The following PIP5K1A variants were observed in gnomAD, a reference collection of about 807,000 sequenced individuals.
PIP5K1A encodes the protein phosphatidylinositol-4-phosphate 5-kinase type 1 alpha.
A neutral mutation model predicts 72.9 loss-of-function variants in PIP5K1A; 46 were observed. The ratio of observed to expected loss-of-function variants is 0.63; its 90% CI spans 0.50 to 0.81. The LOEUF (loss-of-function observed/expected upper bound fraction) is 0.81, where lower values mean the gene tolerates loss of function less well. PIP5K1A is among the 30% of genes least tolerant of loss of function. The pLI, the probability that PIP5K1A is intolerant of heterozygous loss-of-function variation, is 0.00. For synonymous variants in PIP5K1A, 228 were observed against 255.1 expected (o/e 0.89, Z 1.01); for missense variants, 458 against 706.1 (o/e 0.65, Z 3.98).
In PIP5K1A at chr1:151,224,235, T is replaced by C. The variant is rs770176919; in HGVS notation, c.86-10T>C. The C allele has an allele frequency of 1.4e-5, 23 of 1,609,554 alleles. No homozygotes were observed. In the East Asian group the frequency reaches 2.5e-4, roughly 17 times the overall value. ...ATACACTCTTATGATTGTTTTTTTT[T>C]CCCCCCTAGCAGCATCTGGAATCAA... On this transcript the variant is annotated splice_polypyrimidine_tract_variant and intron_variant, in intron 1 of 15. Coordinates refer to ENST00000368888, the MANE Select transcript of PIP5K1A (RefSeq NM_001135638.2).
intron 4 of PIP5K1A, among the ~76,000 whole-genome samples, chr1:151,227,758 C>G (rs1570914536): frequency 6.6e-6 from 1 of 152,050 alleles, no homozygotes; most frequent in Non-Finnish European, 1.5e-5. Flanking sequence ...GGGTGGCACA[C>G]GCTTGTGGTC....
At chr1:151,216,725 T>C (rs1687682635) in intron 1 of PIP5K1A, among the ~76,000 whole-genome samples, 1 of 152,162 alleles carries the variant, frequency 6.6e-6, no homozygotes, top group Non-Finnish European at 1.5e-5. Flanking sequence ...TTTATAGGCA[T>C]TTATTGTAGA....
At chr1:151,227,813 G>C (rs1335573065) in intron 4 of PIP5K1A, among the ~76,000 whole-genome samples, 1 of 152,156 alleles carries the variant, frequency 6.6e-6, no homozygotes, top group Non-Finnish European at 1.5e-5. Context: ...TTGAACCTGA[G>C]AGGTGGAGGT....
At chr1:151,201,804 G>C (rs1486460360) in intron 1 of PIP5K1A, among the ~76,000 whole-genome samples, 1 of 152,036 alleles carries the variant, frequency 6.6e-6, no homozygotes, top group Non-Finnish European at 1.5e-5. Context: ...AGAGGTTGCA[G>C]TGAGCCGAGA....
At chr1:151,233,099 CAAA>C (rs11431839) in intron 7 of PIP5K1A, among the ~76,000 whole-genome samples, 4 of 107,510 alleles carry the variant, frequency 3.7e-5, no homozygotes, top group Admixed American at 1.0e-4. Flanking sequence ...GACTCCGTCT[CAAA>C]AAAAAAAAAA....
Position 151,239,099 on chromosome 1 carries a change from C to T in PIP5K1A, c.1230-31C>T, listed in dbSNP as rs587626011. ...ATTAAGGTCATTTATTTAAAAATGA[C>T]GTGAGTAGGTGATGTACATTTTTCT... On this transcript the variant is annotated intron_variant, in intron 10 of 15. Coordinates refer to ENST00000368888, the MANE Select transcript of PIP5K1A (RefSeq NM_001135638.2). 2.4e-5 allele frequency: 37 copies of T among 1,540,000 alleles called. No individual in the cohort carries two copies. The African/African-American group carries it at 2.6e-4, about 11-fold the overall frequency.
intron 3 of PIP5K1A, among the ~76,000 whole-genome samples, chr1:151,225,449 A>C (rs1409626099): frequency 6.7e-6 from 1 of 148,254 alleles, no homozygotes; most frequent in Non-Finnish European, 1.5e-5. Flanking sequence ...CTAGACTGCT[A>C]TACTGGTTTA....
rs1352387736 is a variant in PIP5K1A, at chr1:151,234,393, C to T, written c.836C>T (p.Pro279Leu). The change falls in exon 8 of 16, where the codon CCC (proline) becomes CTC (leucine). Residue 279 changes from proline (P) to leucine (L), a missense_variant. By Grantham distance (98) the Pro-to-Leu change is moderately conservative. Coordinates refer to ENST00000368888, the MANE Select transcript of PIP5K1A (RefSeq NM_001135638.2). ...ASQKEREKPL[P>L]TFKDLDFLQD... ...CAGAAAGAGCGAGAGAAGCCTCTTC[C>T]CACATTTAAAGACCTAGACTTCTTA... is the stretch of plus-strand genomic sequence containing the variant. 6.2e-7 allele frequency: 1 copy of T among 1,613,824 alleles called. No homozygotes were observed. The highest frequency in any genetic ancestry group is 2.2e-5 in the East Asian group (1 of 44,896).
chr1:151,241,882 G>C (rs587628539), intron 12 of PIP5K1A, among the ~76,000 whole-genome samples: 12 of 152,180 alleles, frequency 7.9e-5, no homozygotes, highest in African/African-American at 2.4e-4. Flanking sequence ...CTCCATGTTG[G>C]GGGGTTAGGT....
intron 1 of PIP5K1A, among the ~76,000 whole-genome samples, chr1:151,219,636 G>A (rs1171420551): frequency 6.6e-6 from 1 of 151,988 alleles, no homozygotes; most frequent in Admixed American, 6.6e-5. Flanking sequence ...GGAGGTTGCG[G>A]TGATCCGAGA....
In PIP5K1A at chr1:151,248,140, C is replaced by T; in HGVS notation, c.*275C>T. ...TGGTATGGATTTTCAACTGGCCAACCCTTTGCCTCCACTATTGAATTTTTT... is the reference window on the plus strand; with the variant it reads ...TGGTATGGATTTTCAACTGGCCAACTCTTTGCCTCCACTATTGAATTTTTT... On this transcript the variant is annotated 3_prime_UTR_variant, in exon 16 of 16. Transcript: ENST00000368888. 1 of 480,342 alleles carries T rather than the reference C, an allele frequency of 2.1e-6. No individual in the cohort carries two copies. The highest frequency in any genetic ancestry group is 2.9e-5 in the South Asian group (1 of 34,814). The allele number at this position is 480,342 out of a possible 1,614,324, so 29.8% of individuals were successfully genotyped here.
At chr1:151,227,453 C>G (rs1558273079) in intron 4 of PIP5K1A, 53 bp downstream of exon 4, 1 of 1,186,284 alleles carries the variant, frequency 8.4e-7, no homozygotes, top group South Asian at 1.2e-5. Context: ...GCAGCTTACT[C>G]TGGGAACTCA....
upstream of PIP5K1A, chr1:151,198,177 A>C (rs1383639777): frequency 1.7e-5 from 8 of 460,174 alleles, no homozygotes; most frequent in Non-Finnish European, 4.5e-6. Flanking sequence ...CAGGAAAAAG[A>C]CTAAGAAGAG....
At chr1:151,213,171 G>A (rs899806594) in intron 1 of PIP5K1A, among the ~76,000 whole-genome samples, 1 of 152,212 alleles carries the variant, frequency 6.6e-6, no homozygotes, top group Non-Finnish European at 1.5e-5. Context: ...TTACAGGTGT[G>A]AGCAACCGCG....
intron 4 of PIP5K1A, 136 bp from the exon 5 acceptor site, chr1:151,231,535 C>T (rs1166377683): frequency 5.6e-6 from 4 of 720,084 alleles, no homozygotes; most frequent in Non-Finnish European, 9.6e-6. Context: ...TGGATTGTCC[C>T]AGTTTTATCT....
Position 151,236,642 on chromosome 1 carries a change from A to C in PIP5K1A, c.1024A>C (p.Ser342Arg). The change falls in exon 9 of 16, where the codon AGT becomes CGT. Residue 342 changes from serine (S) to arginine (R), a missense_variant. This residue lies in a region of PIP5K1A where 220 missense variants were observed against 442.6 expected (regional missense o/e 0.50). Transcript: ENST00000368888. ...IDHAQREPLS[S>R]ETQYSVDTRR... ...TCATGCACAACGAGAGCCCTTAAGCAGTGAAACACAGTACTCAGTTGATAC... is the reference window on the plus strand; with the variant it reads ...TCATGCACAACGAGAGCCCTTAAGCCGTGAAACACAGTACTCAGTTGATAC... 1 of 1,613,400 alleles carries C rather than the reference A, an allele frequency of 6.2e-7. No homozygotes were observed.
At chr1:151,215,409 C>G (rs1353400006) in intron 1 of PIP5K1A, among the ~76,000 whole-genome samples, 1 of 146,902 alleles carries the variant, frequency 6.8e-6, no homozygotes, top group East Asian at 2.1e-4. Context: ...TGGCTCACTT[C>G]CAGCTCTGCC....
At position 151,247,995 on chromosome 1, in the gene PIP5K1A, G is replaced by T; in HGVS notation, c.*130G>T. ...AAAAAGGAGTGTAATAGAAGTGAGG[G>T]GAGCTGCTCCTCCATCTTCTTCCTG... On this transcript the variant is annotated 3_prime_UTR_variant, in exon 16 of 16. Coordinates refer to ENST00000368888, the MANE Select transcript of PIP5K1A (RefSeq NM_001135638.2). 1 of 790,522 alleles carries T rather than the reference G, an allele frequency of 1.3e-6. No individual in the cohort carries two copies. Among genetic ancestry groups the T allele is most frequent in the Non-Finnish European group, 2.2e-6 (1 of 456,336 alleles). 49.0% of individuals were successfully genotyped at this position (790,522 alleles called of 1,614,324 possible).
chr1:151,209,737 C>T (rs1686519182), intron 1 of PIP5K1A, among the ~76,000 whole-genome samples: 1 of 151,394 alleles, frequency 6.6e-6, no homozygotes, highest in African/African-American at 2.4e-5. Context: ...CCGTGCCCCG[C>T]CTGTATTGTT....
Sources: gnomAD v4.1 joint callset for allele counts (sites outside exome capture counted in the v4.1 genomes callset) on GRCh38, gnomAD v4.1.1 for gene constraint, gnomAD v4.1.1 regional missense constraint, MANE v1.5 for transcripts, NCBI Gene and HGNC (gene_info 2026-07-23, HGNC 2026-07-21) for gene names.